The following MARCHF4 variants were observed in gnomAD, a reference collection of about 807,000 sequenced individuals.
MARCHF4 encodes E3 ubiquitin-protein ligase MARCHF4.
MARCHF4 carries 14 observed loss-of-function variants against 43.9 expected under a neutral mutation model. The observed-to-expected ratio is 0.32, with a 90% confidence interval of 0.21 to 0.50. The LOEUF (loss-of-function observed/expected upper bound fraction) is 0.50. Ranked by LOEUF, MARCHF4 falls within the 20% of genes least tolerant of loss-of-function variation. MARCHF4 has a pLI of 0.98. For missense variants in MARCHF4, 468 were observed against 536.7 expected (o/e 0.87, Z 1.27); for synonymous variants, 226 against 213.3 (o/e 1.06, Z -0.52).
chr2:216,353,119 C>T (rs1034150075), intron 1 of MARCHF4, among the ~76,000 whole-genome samples: 8 of 152,084 alleles, frequency 5.3e-5, no homozygotes, highest in Non-Finnish European at 1.0e-4. Context: ...AACCACGGAG[C>T]CTAACTTCAA....
intron 1 of MARCHF4, among the ~76,000 whole-genome samples, chr2:216,320,675 C>CTTTCTTTCTTTT (rs747734983): frequency 6.0e-5 from 2 of 33,100 alleles, no homozygotes; most frequent in East Asian, 7.9e-4. Context: ...TTCTTTCTTT[C>CTTTCTTTCTTTT]TTTTTTTTTT....
At chr2:216,306,025 A>G (rs886245070) in intron 1 of MARCHF4, among the ~76,000 whole-genome samples, 3 of 151,888 alleles carry the variant, frequency 2.0e-5, no homozygotes, top group African/African-American at 7.3e-5. Context: ...CATTATCATT[A>G]TTGTCATCAT....
intron 1 of MARCHF4, among the ~76,000 whole-genome samples, chr2:216,341,014 C>T (rs958302648): frequency 6.6e-6 from 1 of 152,124 alleles, no homozygotes; most frequent in African/African-American, 2.4e-5. Flanking sequence ...TCAGTCAGTC[C>T]CTCTTCCTCC....
chr2:216,335,130 A>G lies in MARCHF4; in HGVS notation c.516+34615T>C, dbSNP rs888873411. ...GTCAAAATATAAAAAAGAAGGTATC[A>G]GTGACAGACTAGAATCACCAAATCT... On this transcript the variant is annotated intron_variant, in intron 1 of 3. Coordinates refer to ENST00000273067, the MANE Select transcript of MARCHF4 (RefSeq NM_020814.3). 2.6e-5 allele frequency among the ~76,000 whole-genome samples: 4 copies of G among 152,366 alleles called. No homozygotes were observed. In the East Asian group the frequency reaches 5.8e-4, roughly 22 times the overall value.
chr2:216,364,499 C>T (rs73988381), intron 1 of MARCHF4, among the ~76,000 whole-genome samples: 6,099 of 152,214 alleles, frequency 0.04, 379 homozygotes, highest in African/African-American at 0.14. Context: ...GAGGAGTCTG[C>T]GGGGTCAAGG....
chr2:216,277,009 AC>A (rs1691035975), intron 3 of MARCHF4, among the ~76,000 whole-genome samples: 2 of 152,120 alleles, frequency 1.3e-5, no homozygotes, highest in Non-Finnish European at 2.9e-5. Flanking sequence ...TTTAAACGAA[AC>A]CTTATCTGGA....
At chr2:216,271,427 GCT>G (rs890677722) in intron 3 of MARCHF4, among the ~76,000 whole-genome samples, 6 of 152,260 alleles carry the variant, frequency 3.9e-5, no homozygotes, top group African/African-American at 1.4e-4. Context: ...AGAGTCAATT[GCT>G]CTCTGCTCTG....
chr2:216,277,954 C>T (rs1691055348), intron 2 of MARCHF4, 90 bp from the exon 3 acceptor site: 4 of 1,267,952 alleles, frequency 3.2e-6, no homozygotes, highest in African/African-American at 1.5e-5. Context: ...AACAGCTCAC[C>T]TCTGATTTAG....
intron 1 of MARCHF4, among the ~76,000 whole-genome samples, chr2:216,303,112 G>C (rs530220276): frequency 1.3e-5 from 2 of 152,212 alleles, no homozygotes; most frequent in African/African-American, 4.8e-5. Flanking sequence ...AATGAAAATA[G>C]GGAAGAAAAT....
chr2:216,333,078 T>C (rs1559101772), intron 1 of MARCHF4, among the ~76,000 whole-genome samples: 1 of 152,182 alleles, frequency 6.6e-6, no homozygotes, highest in Non-Finnish European at 1.5e-5. Context: ...AGAAGAATGT[T>C]TTCATGATCT....
At chr2:216,333,671 G>A (rs1692114427) in intron 1 of MARCHF4, among the ~76,000 whole-genome samples, 1 of 152,134 alleles carries the variant, frequency 6.6e-6, no homozygotes, top group Non-Finnish European at 1.5e-5. Context: ...ATGTCTCCCT[G>A]CACTAAAATA....
chr2:216,321,193 G>A (rs550110315), intron 1 of MARCHF4, among the ~76,000 whole-genome samples: 1 of 151,908 alleles, frequency 6.6e-6, no homozygotes, highest in East Asian at 1.9e-4. Flanking sequence ...TCACAATCTG[G>A]ACTAATTACC....
intron 3 of MARCHF4, 108 bp downstream of exon 3, chr2:216,277,564 T>G: frequency 8.3e-7 from 1 of 1,198,576 alleles, no homozygotes; most frequent in Non-Finnish European, 1.2e-6. Context: ...TTCTCAAGCC[T>G]GGGGCCATAT....
At chr2:216,332,790 C>T (rs1692099657) in intron 1 of MARCHF4, among the ~76,000 whole-genome samples, 1 of 152,196 alleles carries the variant, frequency 6.6e-6, no homozygotes, top group African/African-American at 2.4e-5. Flanking sequence ...GTAATTAATT[C>T]AGTGTGGTAT....
At chr2:216,327,310 T>C (rs969605779) in intron 1 of MARCHF4, among the ~76,000 whole-genome samples, 23 of 152,196 alleles carry the variant, frequency 1.5e-4, no homozygotes, top group Non-Finnish European at 2.8e-4. Context: ...AATGCTGAAT[T>C]ATATTACAAT....
rs201288119 is a variant in MARCHF4 at position 216,259,321 on chromosome 2, C to T, written c.1224G>A (p.Thr408=). Residue 408 remains threonine (T), a synonymous_variant, in exon 4 of 4, where the codon ACG becomes ACA. Transcript: ENST00000273067. The part of the protein sequence containing the change: ...GSSRELVMRV[T]TV ...TTCCGGGCCTCTGCTCTCACACTGTCGTGACTCTCATGACCAGCTCTCGGC... is the reference window on the plus strand; with the variant it reads ...TTCCGGGCCTCTGCTCTCACACTGTTGTGACTCTCATGACCAGCTCTCGGC... The T allele has an allele frequency of 2.5e-5, 38 of 1,548,084 alleles. No homozygotes were observed. The highest frequency in any genetic ancestry group is 2.1e-4 in the Admixed American group (11 of 52,824).
intron 1 of MARCHF4, among the ~76,000 whole-genome samples, chr2:216,291,938 A>G (rs1028823021): frequency 2.0e-5 from 3 of 152,184 alleles, no homozygotes; most frequent in Non-Finnish European, 4.4e-5. Flanking sequence ...CTCTCTGCCC[A>G]TTGCAGTGAC....
intron 1 of MARCHF4, among the ~76,000 whole-genome samples, chr2:216,294,212 GC>G (rs1487800445): frequency 6.6e-6 from 1 of 152,216 alleles, no homozygotes; most frequent in African/African-American, 2.4e-5. Flanking sequence ...AAAGGCACAG[GC>G]CCCCTGGCAA....
At chr2:216,345,809 G>T (rs1338418925) in intron 1 of MARCHF4, among the ~76,000 whole-genome samples, 1 of 152,112 alleles carries the variant, frequency 6.6e-6, no homozygotes, top group African/African-American at 2.4e-5. Context: ...ATTCAACAAG[G>T]ACTCCAGCCT....
Sources: gnomAD v4.1 joint callset for allele counts (sites outside exome capture counted in the v4.1 genomes callset) on GRCh38, gnomAD v4.1.1 for gene constraint, MANE v1.5 for transcripts, NCBI Gene and HGNC (gene_info 2026-07-23, HGNC 2026-07-21) for gene names.